The following AUTS2 variants were observed in gnomAD, a reference collection of about 807,000 sequenced individuals.
AUTS2 encodes autism susceptibility gene 2 protein.
In AUTS2, 17 loss-of-function variants were observed where a neutral mutation model predicts 112.4. The observed-to-expected ratio is 0.15, with a 90% confidence interval of 0.10 to 0.23. AUTS2 has a LOEUF of 0.23. Among genes scored for constraint, AUTS2 ranks in the 10% least tolerant of loss-of-function variants. The probability of loss-of-function intolerance (pLI) is 1.00; values close to 1 mark genes in which losing one functional copy is unlikely to be tolerated. For missense variants in AUTS2, 1,510 were observed against 1,701.6 expected (o/e 0.89, Z 1.98); for synonymous variants, 751 against 702.7 (o/e 1.07, Z -1.09).
intron 4 of AUTS2, among the ~76,000 whole-genome samples, chr7:70,309,863 T>C (rs1030963261): frequency 2.0e-5 from 3 of 152,232 alleles, no homozygotes; most frequent in African/African-American, 7.2e-5. Flanking sequence ...AGCATGTTGC[T>C]TTTATTACTT....
intron 5 of AUTS2, among the ~76,000 whole-genome samples, chr7:70,620,169 C>G (rs1016528314): frequency 6.6e-6 from 1 of 152,122 alleles, no homozygotes; most frequent in Non-Finnish European, 1.5e-5. Flanking sequence ...AGCACTGGTA[C>G]ACCTCAATTT....
intron 1 of AUTS2, among the ~76,000 whole-genome samples, chr7:69,786,500 G>A (rs1448335542): frequency 6.6e-6 from 1 of 152,246 alleles, no homozygotes; most frequent in Non-Finnish European, 1.5e-5. Flanking sequence ...CCAGCCAGCA[G>A]TGGCAACCCG....
rs1028928861 is a variant in AUTS2, at chr7:70,659,222, G to A, written c.691-39347G>A. Among the ~76,000 whole-genome samples the A allele has an allele frequency of 2.0e-5, 3 of 152,328 alleles. No individual in the cohort carries two copies. The East Asian group carries it at 5.8e-4, about 29-fold the overall frequency. On this transcript the variant is annotated intron_variant, in intron 5 of 18. Coordinates refer to ENST00000342771, the MANE Select transcript of AUTS2 (RefSeq NM_015570.4). The stretch of plus-strand genomic sequence containing the variant: ...GGCACCTGACCTCTGAATTCCCGCG[G>A]CCCTTGCAGGATATCACGCCCACGA...
At chr7:70,784,756 A>C (rs1026651784) in intron 15 of AUTS2, 186 bp from the exon 16 acceptor site, 7 of 416,232 alleles carry the variant, frequency 1.7e-5, no homozygotes, top group East Asian at 1.0e-4. Flanking sequence ...AAAAAAAAAA[A>C]AAAAAAAAAA....
chr7:70,171,437 G>C (rs1371187532), intron 4 of AUTS2, among the ~76,000 whole-genome samples: 1 of 152,104 alleles, frequency 6.6e-6, no homozygotes, highest in Non-Finnish European at 1.5e-5. Context: ...TTTTGTGGGA[G>C]CCTCCTTTTC....
At chr7:70,010,831 T>G (rs569829815) in intron 2 of AUTS2, among the ~76,000 whole-genome samples, 1 of 152,330 alleles carries the variant, frequency 6.6e-6, no homozygotes, top group East Asian at 1.9e-4. Flanking sequence ...GCTCACCAGA[T>G]TGCTTCTGTC....
At chr7:70,516,813 C>G (rs1799435292) in intron 5 of AUTS2, among the ~76,000 whole-genome samples, 1 of 152,046 alleles carries the variant, frequency 6.6e-6, no homozygotes, top group South Asian at 2.1e-4. Context: ...ATACTGTATG[C>G]TAGGTTGAAC....
intron 1 of AUTS2, among the ~76,000 whole-genome samples, chr7:69,863,556 G>T (rs1793085276): frequency 6.6e-6 from 1 of 152,160 alleles, no homozygotes. Context: ...GTGTCTGTCA[G>T]ATTCTCATAG....
chr7:70,088,867 A>G lies in AUTS2; in HGVS notation c.523-29265A>G, dbSNP rs903615300. Among the ~76,000 whole-genome samples the G allele has an allele frequency of 5.9e-5, 9 of 152,068 alleles. 1 individual carries two copies. Among genetic ancestry groups the G allele is most frequent in the African/African-American group, 2.2e-4 (9 of 41,416 alleles). ...TGTCCGAGACCCATCTTGCTTTCTA[A>G]TACAGTTTAATGCTATTTCTCCTTC... On this transcript the variant is annotated intron_variant, in intron 2 of 18. Transcript: ENST00000342771.
At chr7:70,224,727 C>G (rs1382090312) in intron 4 of AUTS2, among the ~76,000 whole-genome samples, 1 of 152,146 alleles carries the variant, frequency 6.6e-6, no homozygotes, top group African/African-American at 2.4e-5. Context: ...CCTGTAAGCT[C>G]CATTCATGGT....
chr7:70,029,146 CT>C (rs1338090285), intron 2 of AUTS2, among the ~76,000 whole-genome samples: 2 of 151,942 alleles, frequency 1.3e-5, no homozygotes, highest in Non-Finnish European at 2.9e-5. Context: ...TTTTTCTCAA[CT>C]GTAAAATGGA....
chr7:70,050,380 T>A (rs1037240738), intron 2 of AUTS2, among the ~76,000 whole-genome samples: 70 of 89,728 alleles, frequency 7.8e-4, no homozygotes, highest in African/African-American at 2.0e-3. Context: ...AAAAAAAAAA[T>A]TAGACTTTTC....
chr7:70,577,624 A>T (rs1172375974), intron 5 of AUTS2, among the ~76,000 whole-genome samples: 1 of 152,194 alleles, frequency 6.6e-6, no homozygotes, highest in Non-Finnish European at 1.5e-5. Flanking sequence ...TTGATCAACA[A>T]GGTTGATGAG....
intron 1 of AUTS2, among the ~76,000 whole-genome samples, chr7:69,762,560 C>T (rs199573298): frequency 5.9e-5 from 9 of 152,094 alleles, no homozygotes; most frequent in East Asian, 3.9e-4. Context: ...CTGCCCGCTT[C>T]GGCCTCCCAA....
At chr7:70,171,397 A>G (rs899868922) in intron 4 of AUTS2, among the ~76,000 whole-genome samples, 5 of 152,220 alleles carry the variant, frequency 3.3e-5, no homozygotes, top group Admixed American at 1.3e-4. Context: ...CACTGCTGCT[A>G]GATTGTTGCC....
chr7:70,789,547 T>C, intron 18 of AUTS2, among the ~76,000 whole-genome samples: 1 of 151,998 alleles, frequency 6.6e-6, no homozygotes, highest in East Asian at 1.9e-4. Flanking sequence ...ATCTCCCCCA[T>C]TAAGCTTCCT....
intron 4 of AUTS2, among the ~76,000 whole-genome samples, chr7:70,344,854 C>G (rs1345405312): frequency 6.6e-6 from 1 of 152,156 alleles, no homozygotes; most frequent in East Asian, 1.9e-4. Context: ...CTCTTTTCTT[C>G]AAAGGCATCC....
intron 4 of AUTS2, among the ~76,000 whole-genome samples, chr7:70,369,472 A>C (rs1173450783): frequency 6.6e-6 from 1 of 152,130 alleles, no homozygotes; most frequent in Non-Finnish European, 1.5e-5. Context: ...GGCCTTGAAG[A>C]ATAGATTAAC....
intron 5 of AUTS2, among the ~76,000 whole-genome samples, chr7:70,625,466 C>T (rs1484564400): frequency 1.3e-5 from 2 of 152,226 alleles, no homozygotes; most frequent in African/African-American, 4.8e-5. Context: ...GCACTCCTCA[C>T]CAGTAGTCAG....
Sources: gnomAD v4.1 joint callset for allele counts (sites outside exome capture counted in the v4.1 genomes callset) on GRCh38, gnomAD v4.1.1 for gene constraint, MANE v1.5 for transcripts, NCBI Gene and HGNC (gene_info 2026-07-23, HGNC 2026-07-21) for gene names.